TNIK: variants seen among roughly 807,000 people sequenced by gnomAD.
TNIK encodes the protein TRAF2 and NCK interacting kinase.
TNIK carries 49 observed loss-of-function variants against 191.3 expected under a neutral mutation model. The ratio of observed to expected loss-of-function variants is 0.26; its 90% CI spans 0.20 to 0.32. The LOEUF is 0.32. Among genes scored for constraint, TNIK ranks in the 10% least tolerant of loss-of-function variants. TNIK has a pLI of 1.00. For synonymous variants in TNIK, 594 were observed against 600.9 expected, an observed-to-expected ratio of 0.99 and a Z score of 0.17; for missense variants, 1,155 against 1,702.3, an observed-to-expected ratio of 0.68 and a Z score of 5.66.
At chr3:171,230,597 T>C (rs1381170879) in intron 2 of TNIK, among the ~76,000 whole-genome samples, 1 of 152,190 alleles carries the variant, frequency 6.6e-6, no homozygotes, top group Non-Finnish European at 1.5e-5. Context: ...TCTGTAAATG[T>C]ACTTTATTGT....
At position 171,271,220 on chromosome 3, in the gene TNIK, A is replaced by G. The variant is rs2109190273; in HGVS notation, c.124-42999T>C. On this transcript the variant is annotated intron_variant, in intron 2 of 32. Transcript: ENST00000436636. ...GCGCACGTTTCCTACCTGTGTTGCC[A>G]ACTCTAATAGTTCTAGCATTTACTT... Among the ~76,000 whole-genome samples, 4 of 152,356 alleles carry G rather than the reference A, an allele frequency of 2.6e-5. No homozygotes were observed. The Middle Eastern group carries it at 0.01, about 389-fold the overall frequency.
chr3:171,088,537 G>A (rs532346660), intron 23 of TNIK, among the ~76,000 whole-genome samples: 1 of 152,216 alleles, frequency 6.6e-6, no homozygotes, highest in Non-Finnish European at 1.5e-5. Flanking sequence ...CCGGCCAAAG[G>A]TATTTTATAA....
chr3:171,100,470 G>A (rs1221900194), intron 22 of TNIK, among the ~76,000 whole-genome samples: 1 of 152,052 alleles, frequency 6.6e-6, no homozygotes, highest in Non-Finnish European at 1.5e-5. Flanking sequence ...CTGCTGAAGT[G>A]GACAATAATT....
chr3:171,184,545 T>C (rs1390940523), intron 7 of TNIK, among the ~76,000 whole-genome samples: 1 of 152,208 alleles, frequency 6.6e-6, no homozygotes, highest in Non-Finnish European at 1.5e-5. Flanking sequence ...TTCCTGTTGG[T>C]GACACTAACA....
intron 1 of TNIK, among the ~76,000 whole-genome samples, chr3:171,451,226 T>C (rs1728133742): frequency 6.6e-6 from 1 of 152,210 alleles, no homozygotes; most frequent in African/African-American, 2.4e-5. Flanking sequence ...CTTTCTTGAT[T>C]CCTCTATCTG....
In TNIK at chr3:171,059,870, G is replaced by GTT. The variant is rs1370078591; in HGVS notation, c.*4010_*4011insAA. 2.6e-5 allele frequency among the ~76,000 whole-genome samples: 4 copies of GTT among 152,158 alleles called. No homozygotes were observed. Among genetic ancestry groups the GTT allele is most frequent in the Non-Finnish European group, 5.9e-5 (4 of 68,022 alleles). On this transcript the variant is annotated 3_prime_UTR_variant, in exon 33 of 33. Coordinates refer to ENST00000436636, the MANE Select transcript of TNIK (RefSeq NM_015028.4). ...GAACTAAAAGGTAACTAACAAGTTA[G>GTT]AGACTGTTGAAATGATCAGAACATG... is the stretch of plus-strand genomic sequence containing the variant.
intron 29 of TNIK, 88 bp downstream of exon 29, chr3:171,071,134 TG>T: frequency 1.2e-6 from 1 of 846,396 alleles, no homozygotes; most frequent in African/African-American, 1.7e-5. Context: ...ATATGAAAAT[TG>T]GTATTGGTCT....
intron 4 of TNIK, among the ~76,000 whole-genome samples, chr3:171,203,704 A>C (rs888526484): frequency 5.9e-5 from 9 of 152,224 alleles, no homozygotes; most frequent in African/African-American, 2.2e-4. Flanking sequence ...GTCTAATATT[A>C]TCATTTTTAT....
chr3:171,330,518 A>C (rs1387561633), intron 2 of TNIK, among the ~76,000 whole-genome samples: 1 of 152,224 alleles, frequency 6.6e-6, no homozygotes, highest in Admixed American at 6.5e-5. Flanking sequence ...TTAGTTAAGA[A>C]CATTTACTTA....
At chr3:171,318,893 G>A (rs1170428013) in intron 2 of TNIK, among the ~76,000 whole-genome samples, 1 of 152,122 alleles carries the variant, frequency 6.6e-6, no homozygotes, top group East Asian at 1.9e-4. Flanking sequence ...CGGCCAGCAT[G>A]GTGGCTCATA....
intron 8 of TNIK, 89 bp from the exon 9 acceptor site, chr3:171,175,419 A>T: frequency 9.4e-7 from 1 of 1,068,848 alleles, no homozygotes. Flanking sequence ...TGGCTGCCCA[A>T]TGACCCACTC....
intron 4 of TNIK, among the ~76,000 whole-genome samples, chr3:171,203,751 C>T (rs566247598): frequency 4.3e-4 from 66 of 152,264 alleles, no homozygotes; most frequent in Middle Eastern, 3.4e-3. Context: ...TTGGTTCTCC[C>T]GAGGTTTGAC....
At chr3:171,069,475 G>C (rs1258155881) in intron 29 of TNIK, among the ~76,000 whole-genome samples, 1 of 152,158 alleles carries the variant, frequency 6.6e-6, no homozygotes, top group East Asian at 1.9e-4. Flanking sequence ...GCATGCTCTG[G>C]TTTGGATTTT....
At chr3:171,385,349 C>G (rs116563594) in intron 1 of TNIK, among the ~76,000 whole-genome samples, 1 of 152,028 alleles carries the variant, frequency 6.6e-6, no homozygotes, top group African/African-American at 2.4e-5. Flanking sequence ...GGGAGTCTCA[C>G]GACTGTCAGG....
intron 1 of TNIK, 70 bp from the exon 2 acceptor site, chr3:171,369,755 T>C (rs768469165): frequency 1.5e-5 from 19 of 1,265,890 alleles, no homozygotes; most frequent in African/African-American, 5.8e-5. Flanking sequence ...CAAAAGCAAA[T>C]ACTTATTTAA....
Position 171,460,131 on chromosome 3 carries a change from G to C in TNIK, c.-68C>G. On this transcript the variant is annotated 5_prime_UTR_variant, in exon 1 of 33. Transcript: ENST00000436636. The surrounding 1 kb of genome is among the most constrained non-coding windows in gnomAD (Gnocchi z 6.8). ...GCTTTTCCCTTGGAAATTCCACCTT[G>C]GTCTATTTCACTCGCGTCCTCATGC... The C allele has an allele frequency of 6.5e-7, 1 of 1,550,182 alleles. No homozygotes were observed. The highest frequency in any genetic ancestry group is 1.9e-5 in the Admixed American group (1 of 51,644).
chr3:171,449,022 G>A (rs1457319004), intron 1 of TNIK, among the ~76,000 whole-genome samples: 2 of 151,826 alleles, frequency 1.3e-5, no homozygotes, highest in African/African-American at 4.8e-5. Flanking sequence ...CTGTTCTTGT[G>A]TTAGTTTGCT....
At chr3:171,394,806 C>T (rs1347334992) in intron 1 of TNIK, among the ~76,000 whole-genome samples, 1 of 152,178 alleles carries the variant, frequency 6.6e-6, no homozygotes, top group Non-Finnish European at 1.5e-5. Flanking sequence ...GCTATTCTAT[C>T]CATCTGGCAT....
intron 22 of TNIK, among the ~76,000 whole-genome samples, chr3:171,098,523 G>A (rs79396048): frequency 0.044 from 6,716 of 152,106 alleles, 511 homozygotes; most frequent in African/African-American, 0.15. Flanking sequence ...GTTATATCTT[G>A]TAAAATAAAT....
Sources: allele counts gnomAD v4.1 joint callset (sites outside exome capture counted in the v4.1 genomes callset), GRCh38; gene constraint gnomAD v4.1.1; non-coding constraint Gnocchi (gnomAD v3.1); transcripts MANE v1.5; gene names NCBI Gene and HGNC (gene_info 2026-07-23, HGNC 2026-07-21).